The following CCDC171 variants were observed in gnomAD, a reference collection of about 807,000 sequenced individuals.
CCDC171 encodes the protein coiled-coil domain containing 171.
CCDC171 carries 177 observed loss-of-function variants against 168.2 expected under a neutral mutation model. That is an observed-to-expected ratio of 1.05 (90% CI 0.93 to 1.19). The LOEUF is 1.19. Among genes scored for constraint, CCDC171 ranks in the 50% most tolerant of loss-of-function variants. The pLI is 0.00. For missense variants in CCDC171, 1,991 were observed against 1,539.0 expected, an observed-to-expected ratio of 1.29 and a Z score of -4.91; for synonymous variants, 687 against 540.8, an observed-to-expected ratio of 1.27 and a Z score of -3.75.
intron 11 of CCDC171, among the ~76,000 whole-genome samples, chr9:15,716,250 A>G (rs1465595350): frequency 6.6e-6 from 1 of 152,162 alleles, no homozygotes; most frequent in East Asian, 1.9e-4. Flanking sequence ...TGTTCCTGAT[A>G]TATTCTATTC....
chr9:15,822,321 G>A (rs4424359), intron 21 of CCDC171, among the ~76,000 whole-genome samples: 150,615 of 151,444 alleles, frequency 0.99, 74,902 homozygotes, highest in Middle Eastern at 1. Context: ...AGAAAAGCCA[G>A]AATTGACAAA....
intron 7 of CCDC171, among the ~76,000 whole-genome samples, chr9:15,633,315 C>G (rs2045907530): frequency 6.6e-6 from 1 of 152,010 alleles, no homozygotes; most frequent in East Asian, 1.9e-4. Context: ...TGAACTCAAA[C>G]AAATTTACAA....
At chr9:15,899,982 C>G (rs1218571222) in intron 24 of CCDC171, among the ~76,000 whole-genome samples, 1 of 151,952 alleles carries the variant, frequency 6.6e-6, no homozygotes, top group Non-Finnish European at 1.5e-5. Context: ...AGTTTCATAG[C>G]TTTATGTTTT....
Position 15,956,331 on chromosome 9 carries a change from A to C in CCDC171, c.3754-15278A>C, listed in dbSNP as rs147156071. Reference sequence around the variant, plus strand: ...GGAGGCTAGGATTCCCCATCTTGTGATTAGTTTTTCAGCTTTGATTACTGA... The same window carrying C: ...GGAGGCTAGGATTCCCCATCTTGTGCTTAGTTTTTCAGCTTTGATTACTGA... On this transcript the variant is annotated intron_variant, in intron 25 of 25. Transcript: ENST00000380701. Among the ~76,000 whole-genome samples, 25 of 152,188 alleles carry C rather than the reference A, an allele frequency of 1.6e-4. No individual in the cohort carries two copies. In the East Asian group the frequency reaches 3.9e-3, roughly 24 times the overall value.
At chr9:15,852,409 C>A (rs1409203694) in intron 23 of CCDC171, among the ~76,000 whole-genome samples, 1 of 151,442 alleles carries the variant, frequency 6.6e-6, no homozygotes, top group African/African-American at 2.4e-5. Flanking sequence ...CATCCTTTGC[C>A]CGTTTTTAAA....
chr9:15,633,546 A>G (rs1417128677), intron 7 of CCDC171, among the ~76,000 whole-genome samples: 2 of 152,210 alleles, frequency 1.3e-5, no homozygotes, highest in Non-Finnish European at 1.5e-5. Flanking sequence ...GAGGATGTGG[A>G]GAAATAGGAA....
intron 25 of CCDC171, among the ~76,000 whole-genome samples, chr9:15,941,962 C>G (rs1827785562): frequency 6.6e-6 from 1 of 151,714 alleles, no homozygotes; most frequent in South Asian, 2.1e-4. Context: ...AATTCTTTTT[C>G]TTTTTAAATA....
chr9:15,744,913 G>A (rs909380041), intron 17 of CCDC171, 136 bp downstream of exon 17: 9 of 783,544 alleles, frequency 1.1e-5, no homozygotes, highest in South Asian at 5.8e-5. Flanking sequence ...CCATATGTAC[G>A]TATATGTGTG....
chr9:15,628,299 C>T (rs1237940851), intron 7 of CCDC171, among the ~76,000 whole-genome samples: 1 of 152,126 alleles, frequency 6.6e-6, no homozygotes, highest in African/African-American at 2.4e-5. Context: ...ACAGGTGGCA[C>T]CTGGAAAATC....
chr9:15,623,956 G>A (rs1242344908), intron 7 of CCDC171, among the ~76,000 whole-genome samples: 1 of 152,056 alleles, frequency 6.6e-6, no homozygotes, highest in Non-Finnish European at 1.5e-5. Context: ...TAATTGATTT[G>A]TTAGTTCATC....
At chr9:15,814,761 C>G (rs960246340) in intron 21 of CCDC171, among the ~76,000 whole-genome samples, 1 of 151,950 alleles carries the variant, frequency 6.6e-6, no homozygotes, top group African/African-American at 2.4e-5. Flanking sequence ...AATTACAGAT[C>G]TACTGATTTA....
intron 24 of CCDC171, among the ~76,000 whole-genome samples, chr9:15,901,196 G>C (rs1821598622): frequency 1.3e-5 from 2 of 152,146 alleles, no homozygotes; most frequent in Non-Finnish European, 2.9e-5. Flanking sequence ...TTAGAGGGGA[G>C]CGAGGGATGA....
chr9:15,836,610 C>T (rs1366543441), intron 21 of CCDC171, among the ~76,000 whole-genome samples: 1 of 152,186 alleles, frequency 6.6e-6, no homozygotes, highest in Non-Finnish European at 1.5e-5. Flanking sequence ...CTCGGCCTCC[C>T]AAAGTCCTGG....
At position 15,623,463 on chromosome 9, in the gene CCDC171, A is replaced by G. The variant is rs1415306456; in HGVS notation, c.822+50A>G. 1.6e-4 allele frequency: 103 copies of G among 633,900 alleles called. 2 individuals carry two copies. Among genetic ancestry groups the G allele is most frequent in the East Asian group, 1.5e-3 (36 of 24,170 alleles). The allele number at this position is 633,900 out of a possible 1,614,324, so 39.3% of individuals were successfully genotyped here. On this transcript the variant is annotated intron_variant, in intron 7 of 25. Coordinates refer to ENST00000380701, the MANE Select transcript of CCDC171 (RefSeq NM_173550.4). ...TATATATGCGTACAAACTTTCACAT[A>G]TGCGCGCGCGCGCACACACACACAC...
chr9:15,623,425 C>A lies in CCDC171; in HGVS notation c.822+12C>A. 2 of 1,553,040 alleles carry A rather than the reference C, an allele frequency of 1.3e-6. No individual in the cohort carries two copies. Among genetic ancestry groups the A allele is most frequent in the South Asian group, 2.3e-5 (2 of 88,138 alleles). ...GAAAAGAATTTGAGGTACATTTTCT[C>A]ATTCCTTTATAATATATATGCGTAC... On this transcript the variant is annotated intron_variant, in intron 7 of 25. Transcript: ENST00000380701.
the CCDC171 span, among the ~76,000 whole-genome samples, chr9:16,101,440 G>A: frequency 2.0e-5 from 3 of 152,128 alleles, no homozygotes; most frequent in Non-Finnish European, 4.4e-5. Flanking sequence ...CTGGTATAAT[G>A]TCTTACCCCA....
the CCDC171 span, among the ~76,000 whole-genome samples, chr9:16,074,171 AC>A: frequency 2.6e-5 from 4 of 152,184 alleles, no homozygotes; most frequent in African/African-American, 9.7e-5. Flanking sequence ...GCCTTCAATT[AC>A]ATTCTTTGGC....
In CCDC171 at chr9:16,053,020, G is replaced by T. The variant is rs538697316; in HGVS notation, n.90-7626G>T. 2.0e-5 allele frequency among the ~76,000 whole-genome samples: 3 copies of T among 152,264 alleles called. No individual in the cohort carries two copies. The South Asian group carries it at 6.2e-4, about 32-fold the overall frequency. ...AGGAATATTCTATGCATACATTGTTGCTGGAACGGTAACATTTGCAAAACC... is the reference window on the plus strand; with the variant it reads ...AGGAATATTCTATGCATACATTGTTTCTGGAACGGTAACATTTGCAAAACC... On this transcript the variant is annotated intron_variant and non_coding_transcript_variant, in intron 1 of 1. Transcript: ENST00000478913.
chr9:15,903,683 C>T (rs1386021382), intron 24 of CCDC171, among the ~76,000 whole-genome samples: 2 of 152,214 alleles, frequency 1.3e-5, no homozygotes, highest in African/African-American at 4.8e-5. Flanking sequence ...TGGAGAATGA[C>T]TTTGACAAGT....
Sources: allele counts gnomAD v4.1 joint callset (sites outside exome capture counted in the v4.1 genomes callset), GRCh38; gene constraint gnomAD v4.1.1; transcripts MANE v1.5; gene names NCBI Gene and HGNC (gene_info 2026-07-23, HGNC 2026-07-21).